Variants in MYH15 observed in about 807,000 individuals in gnomAD.
MYH15 encodes myosin heavy chain 15.
A neutral mutation model predicts 240.5 loss-of-function variants in MYH15; 227 were observed. The observed-to-expected ratio is 0.94, with a 90% CI of 0.85 to 1.05. The LOEUF (loss-of-function observed/expected upper bound fraction) is 1.05. MYH15 is among the 50% of genes least tolerant of loss of function. The pLI is 0.00. For missense variants in MYH15, 2,217 were observed against 2,247.5 expected, an observed-to-expected ratio of 0.99 and a Z score of 0.27; for synonymous variants, 785 against 796.7, an observed-to-expected ratio of 0.99 and a Z score of 0.25.
intron 1 of MYH15, among the ~76,000 whole-genome samples, chr3:108,522,089 C>T (rs569801242): frequency 6.6e-6 from 1 of 152,144 alleles, no homozygotes; most frequent in African/African-American, 2.4e-5. Flanking sequence ...TAGTAATAAG[C>T]CTGTTTCCAT....
rs771576259 is a variant in MYH15, at chr3:108,410,844, G to A, written c.4234C>T (p.Gln1412Ter). The change falls in exon 31 of 41, where the codon CAG becomes TAG. Residue 1412 changes from glutamine to a stop codon, truncating the protein, a stop_gained. Coordinates refer to ENST00000693548, the MANE Select transcript of MYH15 (RefSeq NM_014981.3). LOFTEE classifies it high-confidence loss of function. ...RNASLERARH[Q>*]LQLELGDALS... The stretch of plus-strand genomic sequence containing the variant: ...GCGTCCCCGAGCTCCAGCTGCAGCT[G>A]GTGCCTGGCTCTCTCCAAGGAGGCA... 2 of 1,613,876 alleles carry A rather than the reference G, an allele frequency of 1.2e-6. No individual in the cohort carries two copies. The highest frequency in any genetic ancestry group is 1.7e-5 in the Admixed American group (1 of 60,008).
At chr3:108,543,854 T>C in the MYH15 span, 1 of 152,276 alleles carries the variant, frequency 6.6e-6, no homozygotes, top group South Asian at 2.1e-4. Context: ...ATCAGGATCA[T>C]GCCATTCTGG....
chr3:108,429,827 A>G (rs2082762890), intron 26 of MYH15, among the ~76,000 whole-genome samples: 1 of 152,216 alleles, frequency 6.6e-6, no homozygotes, highest in Admixed American at 6.5e-5. Flanking sequence ...TAAAGAAAGT[A>G]TGATTTCCAC....
intron 1 of MYH15, among the ~76,000 whole-genome samples, chr3:108,516,707 C>T (rs551076705): frequency 1.3e-5 from 2 of 152,292 alleles, no homozygotes; most frequent in African/African-American, 4.8e-5. Context: ...ACCAGCTACG[C>T]TACCTGCAAT....
At chr3:108,412,194 C>G (rs957843885) in intron 30 of MYH15, among the ~76,000 whole-genome samples, 1 of 152,166 alleles carries the variant, frequency 6.6e-6, no homozygotes, top group Non-Finnish European at 1.5e-5. Flanking sequence ...TTCCCATAAT[C>G]CCCACATGTC....
intron 30 of MYH15, 127 bp from the exon 31 acceptor site, chr3:108,411,059 G>T: frequency 1.4e-6 from 1 of 726,144 alleles, no homozygotes; most frequent in Non-Finnish European, 2.2e-6. Context: ...GGACTTAGTG[G>T]TATAAAGCAA....
At chr3:108,521,683 C>T (rs1470119219) in intron 1 of MYH15, among the ~76,000 whole-genome samples, 1 of 152,276 alleles carries the variant, frequency 6.6e-6, no homozygotes, top group Admixed American at 6.5e-5. Context: ...ATCTTTGTTG[C>T]TTCATACAGG....
Position 108,408,423 on chromosome 3 carries a change from A to T in MYH15, c.4496-19T>A. On this transcript the variant is annotated intron_variant, in intron 31 of 40. Transcript: ENST00000693548. The stretch of plus-strand genomic sequence containing the variant: ...ATCTCTTCTGGAGACAGAGGTAAGA[A>T]AAACAAAGTTAGTGAATGGGCTCAG... 1.9e-6 allele frequency: 3 copies of T among 1,599,310 alleles called. No individual in the cohort carries two copies.
At chr3:108,476,267 C>T in intron 12 of MYH15, 130 bp downstream of exon 12, 1 of 552,830 alleles carries the variant, frequency 1.8e-6, no homozygotes, top group South Asian at 3.4e-5. Flanking sequence ...ATCCCAAGAG[C>T]TCTTTTTTGC....
At chr3:108,390,060 C>A (rs2082412629) in intron 37 of MYH15, among the ~76,000 whole-genome samples, 1 of 152,118 alleles carries the variant, frequency 6.6e-6, no homozygotes, top group African/African-American at 2.4e-5. Flanking sequence ...CTTCTGACAC[C>A]TGCTATATAG....
At chr3:108,445,623 T>C (rs1176384975) in intron 21 of MYH15, among the ~76,000 whole-genome samples, 2 of 152,088 alleles carry the variant, frequency 1.3e-5, no homozygotes, top group African/African-American at 4.8e-5. Flanking sequence ...TTCTCCTACA[T>C]AAGGCCCCCT....
At chr3:108,479,597 G>T (rs2083251048) in intron 11 of MYH15, among the ~76,000 whole-genome samples, 1 of 140,618 alleles carries the variant, frequency 7.1e-6, no homozygotes, top group Non-Finnish European at 1.5e-5. Flanking sequence ...GTCTGGCTTG[G>T]GTAAGGCCTG....
intron 38 of MYH15, among the ~76,000 whole-genome samples, chr3:108,385,481 A>G (rs2082375910): frequency 6.6e-6 from 1 of 152,196 alleles, no homozygotes; most frequent in East Asian, 1.9e-4. Flanking sequence ...TGGTGGGATA[A>G]TGTTTCTCAA....
At chr3:108,459,217 CT>C (rs1375447522) in intron 18 of MYH15, 144 bp downstream of exon 18, 4 of 576,026 alleles carry the variant, frequency 6.9e-6, no homozygotes, top group Non-Finnish European at 1.2e-5. Flanking sequence ...TTCCAAAGAC[CT>C]CATTTTTAAC....
chr3:108,453,770 A>C (rs572423280), intron 21 of MYH15, among the ~76,000 whole-genome samples: 9 of 152,192 alleles, frequency 5.9e-5, no homozygotes, highest in Non-Finnish European at 1.2e-4. Context: ...ATCTCTCTCA[A>C]AGGGAAGCCT....
intron 30 of MYH15, among the ~76,000 whole-genome samples, chr3:108,413,563 G>T (rs1001327916): frequency 1.3e-5 from 2 of 152,104 alleles, no homozygotes; most frequent in African/African-American, 4.8e-5. Context: ...CAGTTTCCTG[G>T]CCTCTAAGCA....
upstream of MYH15, among the ~76,000 whole-genome samples, chr3:108,515,099 G>A (rs1001083820): frequency 1.1e-4 from 17 of 152,268 alleles, no homozygotes; most frequent in Non-Finnish European, 1.8e-4. Flanking sequence ...GGAATGAGCC[G>A]CAAGTAGCCA....
At chr3:108,444,504 T>C (rs1455567289) in intron 22 of MYH15, 136 bp downstream of exon 22, 19 of 1,004,150 alleles carry the variant, frequency 1.9e-5, no homozygotes, top group Non-Finnish European at 2.6e-5. Flanking sequence ...GTTTTCATTG[T>C]CTTTGGTTTT....
At chr3:108,506,145 G>A (rs2083474017) in intron 1 of MYH15, among the ~76,000 whole-genome samples, 1 of 152,038 alleles carries the variant, frequency 6.6e-6, no homozygotes, top group Non-Finnish European at 1.5e-5. Flanking sequence ...CCAGGACTTT[G>A]GTGGTTGCCC....
Sources: gnomAD v4.1 joint callset for allele counts (sites outside exome capture counted in the v4.1 genomes callset) on GRCh38, gnomAD v4.1.1 for gene constraint, MANE v1.5 for transcripts, NCBI Gene and HGNC (gene_info 2026-07-23, HGNC 2026-07-21) for gene names.